Variants in PXDNL observed in about 807,000 individuals in gnomAD.
The protein encoded by PXDNL is probable oxidoreductase PXDNL.
A neutral mutation model predicts 150.8 loss-of-function variants in PXDNL; 145 were observed. The observed-to-expected ratio is 0.96, with a 90% CI of 0.84 to 1.10. The LOEUF (loss-of-function observed/expected upper bound fraction) is 1.10. Among genes scored for constraint, PXDNL ranks in the 50% least tolerant of loss-of-function variants. The pLI, the probability that PXDNL is intolerant of heterozygous loss-of-function variation, is 0.00. For synonymous variants in PXDNL, 757 were observed against 725.7 expected (o/e 1.04, Z -0.69); for missense variants, 2,087 against 1,873.9 (o/e 1.11, Z -2.10).
intron 4 of PXDNL, among the ~76,000 whole-genome samples, chr8:51,515,080 C>T (rs1811506133): frequency 6.6e-6 from 1 of 152,172 alleles, no homozygotes; most frequent in African/African-American, 2.4e-5. Context: ...TGCGTCCTCG[C>T]CAGAGCTTAG....
chr8:51,448,649 G>C (rs1220689400), intron 11 of PXDNL, among the ~76,000 whole-genome samples: 5 of 152,048 alleles, frequency 3.3e-5, no homozygotes, highest in Admixed American at 2.0e-4. Context: ...GCAGTGAGCC[G>C]AGATTGCACC....
chr8:51,772,322 C>G (rs2037307718), intron 1 of PXDNL, among the ~76,000 whole-genome samples: 1 of 151,966 alleles, frequency 6.6e-6, no homozygotes, highest in Non-Finnish European at 1.5e-5. Context: ...TCTTTTCTGG[C>G]TGGATACCTG....
At chr8:51,472,107 G>A in intron 8 of PXDNL, 80 bp downstream of exon 8, 1 of 892,494 alleles carries the variant, frequency 1.1e-6, no homozygotes, top group South Asian at 1.7e-5. Flanking sequence ...TTCTTCTCTA[G>A]ATAAAGGAGT....
intron 1 of PXDNL, among the ~76,000 whole-genome samples, chr8:51,709,205 A>C (rs1397207506): frequency 1.3e-5 from 2 of 152,186 alleles, no homozygotes; most frequent in Non-Finnish European, 2.9e-5. Flanking sequence ...TGGAAGTCAA[A>C]CTTGCAAAAT....
chr8:51,719,537 A>G (rs1050158880), intron 1 of PXDNL, among the ~76,000 whole-genome samples: 2 of 152,108 alleles, frequency 1.3e-5, no homozygotes, highest in Non-Finnish European at 2.9e-5. Flanking sequence ...TAGGAAAACC[A>G]GAGACCTTTG....
Position 51,347,963 on chromosome 8 carries a change from G to A in PXDNL, c.3902-2016C>T, listed in dbSNP as rs150176826. ...CAACTAAAGAAAGTGAACTTCAATC[G>A]TAAAATGAAACTCAGTCTTTCTATT... On this transcript the variant is annotated intron_variant, in intron 19 of 22. Transcript: ENST00000356297. 2.9e-3 allele frequency among the ~76,000 whole-genome samples: 439 copies of A among 152,084 alleles called. 2 individuals are homozygous for A. Among genetic ancestry groups the A allele is most frequent in the Non-Finnish European group, 4.0e-3 (269 of 67,966 alleles).
intron 5 of PXDNL, among the ~76,000 whole-genome samples, chr8:51,497,509 A>G (rs1201905376): frequency 1.3e-5 from 2 of 152,146 alleles, no homozygotes; most frequent in African/African-American, 4.8e-5. Context: ...CCTACAGACT[A>G]GGAGAAAATT....
rs113205351 is a variant in PXDNL at position 51,486,044 on chromosome 8, A to G, written c.453-2330T>C. Among the ~76,000 whole-genome samples, 944 of 152,306 alleles carry G rather than the reference A, an allele frequency of 6.2e-3. 4 individuals are homozygous for G. Among genetic ancestry groups the G allele is most frequent in the African/African-American group, 0.022 (899 of 41,564 alleles). ...GCTAGGTAAAATGAAAGCTTTCTTC[A>G]TTATTTTATAAGTGGTGCAGTTCTG... On this transcript the variant is annotated intron_variant, in intron 5 of 22. Coordinates refer to ENST00000356297, the MANE Select transcript of PXDNL (RefSeq NM_144651.5).
intron 2 of PXDNL, among the ~76,000 whole-genome samples, chr8:51,643,331 G>T (rs1814818119): frequency 6.6e-6 from 1 of 152,142 alleles, no homozygotes; most frequent in South Asian, 2.1e-4. Flanking sequence ...CATGGTACTG[G>T]TACCAAAACA....
intron 3 of PXDNL, among the ~76,000 whole-genome samples, chr8:51,586,750 C>T (rs1813330862): frequency 6.6e-6 from 1 of 152,152 alleles, no homozygotes; most frequent in South Asian, 2.1e-4. Flanking sequence ...GTGACGCATT[C>T]AGCCAATAAT....
At chr8:51,332,775 C>T (rs1363985120) in intron 21 of PXDNL, among the ~76,000 whole-genome samples, 69 of 152,100 alleles carry the variant, frequency 4.5e-4, no homozygotes, top group Admixed American at 4.4e-3. Context: ...CTAACCCAAT[C>T]CAACAAAGAC....
chr8:51,663,491 C>T (rs1195626386), intron 1 of PXDNL, among the ~76,000 whole-genome samples: 1 of 152,070 alleles, frequency 6.6e-6, no homozygotes, highest in Non-Finnish European at 1.5e-5. Flanking sequence ...AATGAACTGA[C>T]ATTGACCGAG....
intron 4 of PXDNL, among the ~76,000 whole-genome samples, chr8:51,536,470 T>C (rs537185786): frequency 6.6e-6 from 1 of 152,256 alleles, no homozygotes; most frequent in East Asian, 1.9e-4. Flanking sequence ...AACTTGAGCC[T>C]AGGCTGAAAT....
chr8:51,446,057 A>C (rs1809665938), intron 12 of PXDNL, among the ~76,000 whole-genome samples: 1 of 152,252 alleles, frequency 6.6e-6, no homozygotes, highest in Middle Eastern at 3.4e-3. Flanking sequence ...AAAACATTTA[A>C]TATGTCTAAA....
chr8:51,392,671 C>G (rs1807949551), intron 17 of PXDNL, among the ~76,000 whole-genome samples: 1 of 152,196 alleles, frequency 6.6e-6, no homozygotes, highest in Non-Finnish European at 1.5e-5. Context: ...GATATACAAT[C>G]ATGTCATCTG....
At chr8:51,525,213 C>T (rs1175360502) in intron 4 of PXDNL, among the ~76,000 whole-genome samples, 1 of 152,036 alleles carries the variant, frequency 6.6e-6, no homozygotes, top group Non-Finnish European at 1.5e-5. Flanking sequence ...TTTACTTTTC[C>T]TCTGACCCGC....
At chr8:51,412,558 A>G (rs1434661136) in intron 15 of PXDNL, among the ~76,000 whole-genome samples, 2 of 152,206 alleles carry the variant, frequency 1.3e-5, no homozygotes, top group African/African-American at 2.4e-5. Context: ...AAGAGACTCA[A>G]TTTGGGATTT....
chr8:51,471,802 T>C (rs980202590), intron 8 of PXDNL, among the ~76,000 whole-genome samples: 5 of 151,820 alleles, frequency 3.3e-5, no homozygotes, highest in African/African-American at 1.2e-4. Flanking sequence ...TTCTCCTGCC[T>C]CAGCCTCCCG....
chr8:51,405,995 T>C (rs141248056), intron 17 of PXDNL, among the ~76,000 whole-genome samples: 1 of 152,324 alleles, frequency 6.6e-6, no homozygotes, highest in African/African-American at 2.4e-5. Flanking sequence ...GAATGCTCAA[T>C]GAAGTCTCCC....
Sources: allele counts gnomAD v4.1 joint callset (sites outside exome capture counted in the v4.1 genomes callset), GRCh38; gene constraint gnomAD v4.1.1; transcripts MANE v1.5; gene names NCBI Gene and HGNC (gene_info 2026-07-23, HGNC 2026-07-21).